PCDHGA8: variants seen among roughly 807,000 people sequenced by gnomAD.
The protein encoded by PCDHGA8 is protocadherin gamma subfamily A, 8, also known as protocadherin gamma-A8.
PCDHGA8 carries 45 observed loss-of-function variants against 59.2 expected under a neutral mutation model. That is an observed-to-expected ratio of 0.76 (90% CI 0.60 to 0.98). The LOEUF (loss-of-function observed/expected upper bound fraction) is 0.98, where lower values mean the gene tolerates loss of function less well. PCDHGA8 is among the 50% of genes least tolerant of loss of function. PCDHGA8 has a pLI of 0.00. For missense variants in PCDHGA8, 1,257 were observed against 1,196.2 expected, an observed-to-expected ratio of 1.05 and a Z score of -0.75; for synonymous variants, 531 against 519.0, an observed-to-expected ratio of 1.02 and a Z score of -0.32.
At chr5:141,478,236 T>C (rs2099440813) in intron 1 of PCDHGA8, 3 of 1,614,156 alleles carry the variant, frequency 1.9e-6, no homozygotes, top group Non-Finnish European at 2.5e-6. Flanking sequence ...GGGTTTGTGG[T>C]CACAGTGTTC....
intron 2 of PCDHGA8, among the ~76,000 whole-genome samples, chr5:141,498,795 T>C (rs2099785702): frequency 6.6e-6 from 1 of 152,032 alleles, no homozygotes; most frequent in Admixed American, 6.6e-5. Context: ...TAGCCAGGTG[T>C]GGTGGTGCAC....
In PCDHGA8 at chr5:141,495,049, T is replaced by G. The variant is rs543734863; in HGVS notation, c.2483+184T>G. ...CCCCGGAAGGAAGAGGCGACTGCCC[T>G]GACTGTTCAGGAAGCTCAATTCACA... On this transcript the variant is annotated intron_variant, in intron 2 of 3. Coordinates refer to ENST00000398604, the MANE Select transcript of PCDHGA8 (RefSeq NM_032088.2). Among the ~76,000 whole-genome samples the G allele has an allele frequency of 5.6e-4, 86 of 152,312 alleles. 1 individual carries two copies. Among genetic ancestry groups the G allele is most frequent in the African/African-American group, 1.6e-3 (65 of 41,578 alleles).
At chr5:141,400,533 C>T in intron 1 of PCDHGA8, 11 of 1,613,902 alleles carry the variant, frequency 6.8e-6, no homozygotes, top group Non-Finnish European at 9.3e-6. Context: ...TGGTGAGTTT[C>T]ATTTATGTCT....
At chr5:141,509,805 G>A (rs150684746) in intron 3 of PCDHGA8, among the ~76,000 whole-genome samples, 2 of 152,248 alleles carry the variant, frequency 1.3e-5, no homozygotes, top group Middle Eastern at 3.4e-3. Flanking sequence ...GCTTCATAGA[G>A]CCGAGCTCTT....
At position 141,476,613 on chromosome 5, in the gene PCDHGA8, G is replaced by A; in HGVS notation, c.2425-18194G>A. On this transcript the variant is annotated intron_variant, in intron 1 of 3. Coordinates refer to ENST00000398604, the MANE Select transcript of PCDHGA8 (RefSeq NM_032088.2). This position sits in a 1 kb window ranked among gnomAD's most constrained non-coding sequence, Gnocchi z 7.6. ...AGCGCGCACGATCCCGATGTGGGAA[G>A]CAACTCTTTACAAACCTATGAGCTG... is the stretch of plus-strand genomic sequence containing the variant. 1 of 1,614,266 alleles carries A rather than the reference G, an allele frequency of 6.2e-7. No homozygotes were observed. The highest frequency in any genetic ancestry group is 1.3e-5 in the African/African-American group (1 of 75,078).
Position 141,504,006 on chromosome 5 carries a change from G to C in PCDHGA8, c.2484-1387G>C, listed in dbSNP as rs138738950. Among the ~76,000 whole-genome samples, 1,431 of 152,182 alleles carry C rather than the reference G, an allele frequency of 9.4e-3. 31 individuals are homozygous for C. The highest frequency in any genetic ancestry group is 0.033 in the African/African-American group (1,367 of 41,490). On this transcript the variant is annotated intron_variant, in intron 2 of 3. Coordinates refer to ENST00000398604, the MANE Select transcript of PCDHGA8 (RefSeq NM_032088.2). The stretch of plus-strand genomic sequence containing the variant: ...CTTCTTACCTTACAGTCACTTAACT[G>C]TCTCTGCTGGTCTCTTCCCACTCAT...
chr5:141,398,874 C>G (rs1384943457), intron 1 of PCDHGA8: 1 of 1,613,978 alleles, frequency 6.2e-7, no homozygotes, highest in South Asian at 1.1e-5. Context: ...TGTACAGAGT[C>G]AGCCTTCGGG....
Position 141,475,871 on chromosome 5 carries a change from A to C in PCDHGA8, c.2425-18936A>C, listed in dbSNP as rs568810142. 35 of 513,270 alleles carry C rather than the reference A, an allele frequency of 6.8e-5. No individual in the cohort carries two copies. The East Asian group carries it at 1.1e-3, about 16-fold the overall frequency. The allele number at this position is 513,270 out of a possible 1,614,324, so 31.8% of individuals were successfully genotyped here. The stretch of plus-strand genomic sequence containing the variant: ...CCCGGCGCTAGCTCATTCTTCGTGC[A>C]GTTATTGGCTGGGACTCTGTGTGCC... On this transcript the variant is annotated intron_variant, in intron 1 of 3. Transcript: ENST00000398604.
chr5:141,457,902 G>A (rs1219261409), intron 1 of PCDHGA8, among the ~76,000 whole-genome samples: 1 of 150,854 alleles, frequency 6.6e-6, no homozygotes, highest in Non-Finnish European at 1.5e-5. Flanking sequence ...GTGTAGACAA[G>A]GTGTGAGGCC....
In PCDHGA8 at chr5:141,432,126, C is replaced by G. The variant is rs750150518; in HGVS notation, c.2424+36889C>G. 12 of 1,614,026 alleles carry G rather than the reference C, an allele frequency of 7.4e-6. No homozygotes were observed. Among genetic ancestry groups the G allele is most frequent in the South Asian group, 4.4e-5 (4 of 91,062 alleles). On this transcript the variant is annotated intron_variant, in intron 1 of 3. Transcript: ENST00000398604. The surrounding 1 kb of genome is among the most constrained non-coding windows in gnomAD (Gnocchi z 6.0). ...AACCCGCCGGTCTTCCCTCAGGCCT[C>G]CTATTCCGCTTATATCCCAGAGAAC...
chr5:141,460,214 G>C (rs925628892), intron 1 of PCDHGA8, among the ~76,000 whole-genome samples: 1 of 151,896 alleles, frequency 6.6e-6, no homozygotes, highest in South Asian at 2.1e-4. Flanking sequence ...CATTTTCTTA[G>C]TTGTGTCTTT....
chr5:141,410,158 G>A (rs755466762), intron 1 of PCDHGA8: 1 of 1,613,398 alleles, frequency 6.2e-7, no homozygotes, highest in Admixed American at 1.7e-5. Flanking sequence ...GTGGACAGCC[G>A]CCACTCTCTG....
chr5:141,438,065 C>T (rs1385128405), intron 1 of PCDHGA8, among the ~76,000 whole-genome samples: 1 of 151,996 alleles, frequency 6.6e-6, no homozygotes, highest in Non-Finnish European at 1.5e-5. Flanking sequence ...TTTAAGAAAC[C>T]ATACTTAATG....
intron 1 of PCDHGA8, among the ~76,000 whole-genome samples, chr5:141,454,836 C>T (rs1201514890): frequency 1.3e-4 from 11 of 85,100 alleles, no homozygotes; most frequent in African/African-American, 2.1e-4. Context: ...GAGACAGAGT[C>T]GCGCTCTGTC....
At chr5:141,450,754 C>G (rs192088793) in intron 1 of PCDHGA8, among the ~76,000 whole-genome samples, 1 of 150,996 alleles carries the variant, frequency 6.6e-6, no homozygotes, top group Non-Finnish European at 1.5e-5. Context: ...CCCAAAGTGC[C>G]GGGATTACAG....
intron 3 of PCDHGA8, among the ~76,000 whole-genome samples, chr5:141,507,772 A>C (rs2099863177): frequency 6.6e-6 from 1 of 152,332 alleles, no homozygotes; most frequent in South Asian, 2.1e-4. Flanking sequence ...TGGCCCACAC[A>C]GGGCCTGACC....
chr5:141,489,339 C>T lies in PCDHGA8; in HGVS notation c.2425-5468C>T. 6.2e-7 allele frequency: 1 copy of T among 1,608,828 alleles called. No individual in the cohort carries two copies. On this transcript the variant is annotated intron_variant, in intron 1 of 3. Transcript: ENST00000398604. The surrounding 1 kb of genome is among the most constrained non-coding windows in gnomAD (Gnocchi z 4.5). ...GCTGGGTGTCTGGGCAGCTTCGTTA[C>T]TCAGTGGTGGAGGAGTCTGAGCCGG...
chr5:141,420,238 T>C, intron 1 of PCDHGA8: 2 of 1,594,838 alleles, frequency 1.3e-6, no homozygotes, highest in South Asian at 1.1e-5. Context: ...GCATTTTAAC[T>C]CCCAGCGTTG....
At chr5:141,412,903 G>C (rs2095586511) in intron 1 of PCDHGA8, 1 of 376,030 alleles carries the variant, frequency 2.7e-6, no homozygotes, top group African/African-American at 2.1e-5. Context: ...ACTTTCCATT[G>C]CATGTATCAC....
Sources: allele counts gnomAD v4.1 joint callset (sites outside exome capture counted in the v4.1 genomes callset), GRCh38; gene constraint gnomAD v4.1.1; non-coding constraint Gnocchi (gnomAD v3.1); transcripts MANE v1.5; gene names NCBI Gene and HGNC (gene_info 2026-07-23, HGNC 2026-07-21).